SYNJ1: variants seen among roughly 807,000 people sequenced by gnomAD.
SYNJ1 encodes the protein synaptojanin 1.
A neutral mutation model predicts 168.2 loss-of-function variants in SYNJ1; 78 were observed. The observed-to-expected ratio is 0.46, with a 90% confidence interval of 0.39 to 0.56. The LOEUF is 0.56. SYNJ1 is among the 20% of genes least tolerant of loss of function. SYNJ1 has a pLI of 0.00. For synonymous variants in SYNJ1, 539 were observed against 548.6 expected (o/e 0.98, Z 0.24); for missense variants, 1,303 against 1,597.6 (o/e 0.82, Z 3.14).
At chr21:32,678,878 T>G (rs1385878878) in intron 11 of SYNJ1, 77 bp from the exon 12 acceptor site, 20 of 1,551,152 alleles carry the variant, frequency 1.3e-5, no homozygotes, top group Non-Finnish European at 1.6e-5. Context: ...TTTTTTGAAA[T>G]TTTAAATCAG....
Position 32,656,897 on chromosome 21 carries a change from A to G in SYNJ1, c.2585T>C (p.Val862Ala). The stretch of plus-strand genomic sequence containing the variant: ...TATATCTATATCAATCAGGGCAACG[A>G]CAGGCCTTAAGGCATAAAGGAAGAT... ...AELKTSDHRP[V>A]VALIDIDIFE... The change falls in exon 21 of 33, where the codon GTC (valine) becomes GCC (alanine). Residue 862 changes from valine to alanine, a missense_variant. Val to Ala is a moderately conservative substitution (Grantham distance 64, BLOSUM62 0). Transcript: ENST00000674351. 3 of 1,614,030 alleles carry G rather than the reference A, an allele frequency of 1.9e-6. No homozygotes were observed. Among genetic ancestry groups the G allele is most frequent in the Non-Finnish European group, 1.7e-6 (2 of 1,179,986 alleles).
rs533064963 is a variant in SYNJ1, at chr21:32,645,014, T to A, written c.3392-8A>T. 70 of 1,598,880 alleles carry A rather than the reference T, an allele frequency of 4.4e-5. No homozygotes were observed. Among genetic ancestry groups the A allele is most frequent in the Non-Finnish European group, 5.4e-5 (64 of 1,175,384 alleles). On this transcript the variant is annotated splice_polypyrimidine_tract_variant and splice_region_variant and intron_variant, in intron 25 of 32. Transcript: ENST00000674351. ...GTGCAGGACTCCTAGCCCCTTATAG[T>A]TCATAAGAAAATAGGCAGCAGAAAG...
At chr21:32,703,731 A>AT in intron 2 of SYNJ1, among the ~76,000 whole-genome samples, 1 of 151,696 alleles carries the variant, frequency 6.6e-6, no homozygotes, top group Non-Finnish European at 1.5e-5. Context: ...TTTTATTTTT[A>AT]TTTTTATTTT....
At chr21:32,684,554 A>G (rs1164232575) in intron 9 of SYNJ1, among the ~76,000 whole-genome samples, 1 of 152,222 alleles carries the variant, frequency 6.6e-6, no homozygotes, top group South Asian at 2.1e-4. Flanking sequence ...TTTCTGCACT[A>G]AAGTTTCCCT....
Position 32,630,925 on chromosome 21 carries a change from A to G in SYNJ1, c.*880T>C. 8 of 1,427,738 alleles carry G rather than the reference A, an allele frequency of 5.6e-6. No individual in the cohort carries two copies. The allele number at this position is 1,427,738 out of a possible 1,614,324, so 88.4% of individuals were successfully genotyped here. On this transcript the variant is annotated 3_prime_UTR_variant, in exon 33 of 33. Transcript: ENST00000674351. ...ACAATGACTTATTGCACATAATGAA[A>G]TACTAATGCCCAATTCTCTTAGCTC...
intron 2 of SYNJ1, among the ~76,000 whole-genome samples, chr21:32,704,825 G>C (rs1381881624): frequency 1.3e-5 from 2 of 152,160 alleles, no homozygotes; most frequent in East Asian, 1.9e-4. Flanking sequence ...AATGCAAACA[G>C]AGAAACTAGA....
chr21:32,671,606 G>A (rs1324058670), intron 14 of SYNJ1, among the ~76,000 whole-genome samples: 2 of 152,150 alleles, frequency 1.3e-5, no homozygotes, highest in Non-Finnish European at 2.9e-5. Flanking sequence ...CAATGTCTCA[G>A]TTTCCTCATC....
intron 18 of SYNJ1, among the ~76,000 whole-genome samples, chr21:32,661,496 G>A (rs903511152): frequency 6.6e-6 from 1 of 152,162 alleles, no homozygotes; most frequent in African/African-American, 2.4e-5. Context: ...GTGCTTCTCC[G>A]AGATCTTATT....
intron 21 of SYNJ1, among the ~76,000 whole-genome samples, chr21:32,654,587 T>C (rs1467409501): frequency 2.6e-5 from 4 of 152,166 alleles, no homozygotes; most frequent in Non-Finnish European, 5.9e-5. Flanking sequence ...TACCAACACT[T>C]TTGTGGTCCT....
intron 24 of SYNJ1, 147 bp downstream of exon 24, chr21:32,646,246 A>G: frequency 1.3e-6 from 1 of 763,836 alleles, no homozygotes; most frequent in Non-Finnish European, 2.2e-6. Flanking sequence ...TTCCATTGAG[A>G]GCTTATCATC....
intron 17 of SYNJ1, 122 bp from the exon 18 acceptor site, chr21:32,665,193 T>A: frequency 1.0e-6 from 1 of 1,004,228 alleles, no homozygotes; most frequent in Non-Finnish European, 1.4e-6. Flanking sequence ...GACCCAACAG[T>A]AATAACACAT....
At chr21:32,659,793 T>C (rs147397288) in intron 18 of SYNJ1, among the ~76,000 whole-genome samples, 1,638 of 152,310 alleles carry the variant, frequency 0.011, 33 homozygotes, top group African/African-American at 0.038. Context: ...ACTCGGTGTC[T>C]GAGGGGTTCT....
Position 32,631,231 on chromosome 21 carries a change from A to T in SYNJ1, c.*574T>A, listed in dbSNP as rs138122167. ...AGTAAGTCTGAACAAGCTGACTTTG[A>T]CTTCCCTTTCACACCAAAATCCTCT... On this transcript the variant is annotated 3_prime_UTR_variant, in exon 33 of 33. Coordinates refer to ENST00000674351, the MANE Select transcript of SYNJ1 (RefSeq NM_203446.3). The T allele has an allele frequency of 7.4e-6, 12 of 1,614,222 alleles. No individual in the cohort carries two copies. The highest frequency in any genetic ancestry group is 4.0e-5 in the African/African-American group (3 of 75,046).
Position 32,664,981 on chromosome 21 carries a change from T to C in SYNJ1, c.2236A>G (p.Ile746Val). Residue 746 changes from isoleucine to valine, a missense_variant, in exon 18 of 33, where the codon ATA (isoleucine) becomes GTA (valine). This residue lies in a region of SYNJ1 where 920 missense variants were observed against 1,208.8 expected (regional missense o/e 0.76). Transcript: ENST00000674351. ...AGAGAATCCCAATTTTGCTGTCTTA[T>C]GAGCTCTTTAACTTCTTCGTTAGGG... Reference protein sequence around the residue: ...DLPNEEVKELIRQQNWDSLIA... With the variant: ...DLPNEEVKELVRQQNWDSLIA... 3 of 1,613,768 alleles carry C rather than the reference T, an allele frequency of 1.9e-6. No individual in the cohort carries two copies. Among genetic ancestry groups the C allele is most frequent in the South Asian group, 1.1e-5 (1 of 91,060 alleles).
intron 26 of SYNJ1, among the ~76,000 whole-genome samples, chr21:32,644,638 CT>C (rs1569034334): frequency 6.6e-6 from 1 of 152,128 alleles, no homozygotes; most frequent in African/African-American, 2.4e-5. Flanking sequence ...AATCCAAAAG[CT>C]TTTCCACTAG....
chr21:32,724,926 A>T (rs966513580), intron 2 of SYNJ1, among the ~76,000 whole-genome samples: 40 of 152,350 alleles, frequency 2.6e-4, no homozygotes, highest in African/African-American at 9.4e-4. Flanking sequence ...ATCTAATGAA[A>T]ATAGAATAGC....
At chr21:32,649,277 G>C (rs935770977) in intron 23 of SYNJ1, among the ~76,000 whole-genome samples, 31 of 152,222 alleles carry the variant, frequency 2.0e-4, no homozygotes, top group African/African-American at 7.5e-4. Flanking sequence ...TGTGTGGACT[G>C]AGTAAACAAA....
intron 4 of SYNJ1, 145 bp downstream of exon 4, chr21:32,699,693 T>C (rs748378488): frequency 2.1e-5 from 20 of 943,030 alleles, no homozygotes; most frequent in Non-Finnish European, 3.1e-5. Context: ...TCATTCTCTG[T>C]AGCTACTTGC....
intron 15 of SYNJ1, among the ~76,000 whole-genome samples, chr21:32,667,243 T>A (rs1569066695): frequency 6.6e-6 from 1 of 152,194 alleles, no homozygotes. Context: ...TGTGACTATA[T>A]GTGCTTCCAA....
Sources: gnomAD v4.1 joint callset for allele counts (sites outside exome capture counted in the v4.1 genomes callset) on GRCh38, gnomAD v4.1.1 for gene constraint, gnomAD v4.1.1 regional missense constraint, MANE v1.5 for transcripts, NCBI Gene and HGNC (gene_info 2026-07-23, HGNC 2026-07-21) for gene names.